ASTN2: variants seen among roughly 807,000 people sequenced by gnomAD.
The protein encoded by ASTN2 is astrotactin 2.
Under a neutral mutation model 139.8 loss-of-function variants are expected in ASTN2, and 54 were observed. The observed-to-expected ratio is 0.39, with a 90% CI of 0.31 to 0.48. The LOEUF is 0.48. ASTN2 is among the 20% of genes least tolerant of loss of function. The probability of loss-of-function intolerance (pLI) is 0.95; values close to 1 mark genes in which losing one functional copy is unlikely to be tolerated. For missense variants in ASTN2, 1,565 were observed against 1,725.1 expected (o/e 0.91, Z 1.64); for synonymous variants, 756 against 719.5 (o/e 1.05, Z -0.81).
At chr9:117,351,994 C>T (rs1029513536) in intron 1 of ASTN2, among the ~76,000 whole-genome samples, 2 of 152,230 alleles carry the variant, frequency 1.3e-5, no homozygotes, top group African/African-American at 4.8e-5. Context: ...AAGTAAACAC[C>T]GCTTACTATT....
chr9:117,188,936 A>G (rs941529978), intron 3 of ASTN2, among the ~76,000 whole-genome samples: 1 of 152,056 alleles, frequency 6.6e-6, no homozygotes, highest in African/African-American at 2.4e-5. Context: ...CCTGAGCATC[A>G]GTGAGTGCCC....
chr9:116,778,212 C>T (rs1251704060), intron 13 of ASTN2, among the ~76,000 whole-genome samples: 4 of 149,922 alleles, frequency 2.7e-5, no homozygotes, highest in East Asian at 2.0e-4. Flanking sequence ...AACACTTATG[C>T]CATGATGTTG....
At chr9:116,444,977 G>A (rs544449021) in intron 20 of ASTN2, among the ~76,000 whole-genome samples, 2 of 152,344 alleles carry the variant, frequency 1.3e-5, no homozygotes, top group South Asian at 4.1e-4. Flanking sequence ...AGTGAGAACA[G>A]CATCAGGCAA....
chr9:117,379,277 C>T (rs931974535), intron 1 of ASTN2, among the ~76,000 whole-genome samples: 1 of 152,200 alleles, frequency 6.6e-6, no homozygotes, highest in South Asian at 2.1e-4. Context: ...GCGTAGGCAG[C>T]GAAAAAGGCT....
At chr9:116,858,247 C>T (rs1832790984) in intron 11 of ASTN2, among the ~76,000 whole-genome samples, 1 of 152,036 alleles carries the variant, frequency 6.6e-6, no homozygotes, top group Non-Finnish European at 1.5e-5. Context: ...TGTGAAGCTA[C>T]TGAGTTTTGG....
chr9:116,791,581 T>G (rs1186167804), intron 13 of ASTN2, among the ~76,000 whole-genome samples: 3 of 152,236 alleles, frequency 2.0e-5, no homozygotes, highest in Non-Finnish European at 2.9e-5. Flanking sequence ...GGAGTCACTT[T>G]GGAAGCAGCC....
At chr9:117,187,034 C>G (rs1831217730) in intron 3 of ASTN2, among the ~76,000 whole-genome samples, 1 of 152,220 alleles carries the variant, frequency 6.6e-6, no homozygotes, top group East Asian at 1.9e-4. Context: ...GAGGCTGAGG[C>G]AGGAGAAACT....
chr9:116,996,206 C>T (rs1308453602), intron 7 of ASTN2, among the ~76,000 whole-genome samples: 1 of 151,918 alleles, frequency 6.6e-6, no homozygotes, highest in African/African-American at 2.4e-5. Context: ...TTTAATATTC[C>T]TAAATTGAGG....
At chr9:116,448,235 C>G (rs951703989) in intron 20 of ASTN2, among the ~76,000 whole-genome samples, 7 of 152,204 alleles carry the variant, frequency 4.6e-5, no homozygotes, top group African/African-American at 4.8e-5. Flanking sequence ...CCCCACACAG[C>G]TTTGGCAAAC....
At position 117,076,751 on chromosome 9, in the gene ASTN2, C is replaced by A. The variant is rs560980223; in HGVS notation, c.1276+19293G>T. Among the ~76,000 whole-genome samples the A allele has an allele frequency of 8.5e-5, 13 of 152,266 alleles. No homozygotes were observed. In the South Asian group the frequency reaches 2.7e-3, roughly 32 times the overall value. On this transcript the variant is annotated intron_variant, in intron 5 of 22. Coordinates refer to ENST00000313400, the MANE Select transcript of ASTN2 (RefSeq NM_001365068.1). ...GTAGTCACAGACCACACCTACCTAC[C>A]TGCCTCATGTGGTCCAGCCCCATCA... is the stretch of plus-strand genomic sequence containing the variant.
chr9:117,168,127 A>G (rs2132917708), intron 3 of ASTN2, among the ~76,000 whole-genome samples: 1 of 152,066 alleles, frequency 6.6e-6, no homozygotes, highest in Admixed American at 6.6e-5. Flanking sequence ...CCTGGAGGAG[A>G]TAAGAGGATA....
At chr9:117,328,837 G>T (rs1828605583) in intron 1 of ASTN2, among the ~76,000 whole-genome samples, 1 of 152,204 alleles carries the variant, frequency 6.6e-6, no homozygotes, top group Non-Finnish European at 1.5e-5. Flanking sequence ...GAGAAGTGAT[G>T]GCAAATCCCC....
At chr9:116,938,078 A>G (rs1247085618) in intron 10 of ASTN2, among the ~76,000 whole-genome samples, 4 of 152,180 alleles carry the variant, frequency 2.6e-5, no homozygotes, top group Non-Finnish European at 5.9e-5. Flanking sequence ...CCTTTGTTCA[A>G]TCATGCAGTG....
intron 16 of ASTN2, among the ~76,000 whole-genome samples, chr9:116,685,977 T>G (rs1860181731): frequency 6.6e-6 from 1 of 152,066 alleles, no homozygotes; most frequent in East Asian, 1.9e-4. Flanking sequence ...AAAAAAAAAT[T>G]TTAAACGGGT....
rs999481545 is a variant in ASTN2 at position 116,701,957 on chromosome 9, A to T, written c.2806+23814T>A. Among the ~76,000 whole-genome samples the T allele has an allele frequency of 6.0e-5, 9 of 149,250 alleles. No individual in the cohort carries two copies. In the Admixed American group the frequency reaches 6.1e-4, roughly 10 times the overall value. ...ATAAAGTCTTATATGGAAGTCTATC[A>T]TGTAAAATAGATCAAAGAGCAGCTG... On this transcript the variant is annotated intron_variant, in intron 16 of 22. Coordinates refer to ENST00000313400, the MANE Select transcript of ASTN2 (RefSeq NM_001365068.1).
chr9:117,092,931 C>A lies in ASTN2; in HGVS notation c.1276+3113G>T, dbSNP rs1006559585. ...GCCCAGCCAAAGGGGACAACAGAAC[C>A]ATTCTAGTGTCACAGTTAGACCCTA... On this transcript the variant is annotated intron_variant, in intron 5 of 22. Coordinates refer to ENST00000313400, the MANE Select transcript of ASTN2 (RefSeq NM_001365068.1). 3.3e-5 allele frequency among the ~76,000 whole-genome samples: 5 copies of A among 152,140 alleles called. No homozygotes were observed. In the South Asian group the frequency reaches 6.2e-4, roughly 19 times the overall value.
chr9:116,855,649 CT>C (rs1260797734), intron 11 of ASTN2, among the ~76,000 whole-genome samples: 4 of 152,180 alleles, frequency 2.6e-5, no homozygotes, highest in Non-Finnish European at 5.9e-5. Context: ...GGGAACTATT[CT>C]CAGCCTTGGG....
At chr9:116,909,228 G>C (rs1204102055) in intron 10 of ASTN2, among the ~76,000 whole-genome samples, 1 of 152,206 alleles carries the variant, frequency 6.6e-6, no homozygotes, top group Non-Finnish European at 1.5e-5. Flanking sequence ...TGTTAGAGAT[G>C]GGTTAGAGAT....
chr9:116,498,435 A>C (rs1201133699), intron 19 of ASTN2, among the ~76,000 whole-genome samples: 1 of 151,998 alleles, frequency 6.6e-6, no homozygotes, highest in African/African-American at 2.4e-5. Flanking sequence ...AAAACAAAAA[A>C]CAAAAAACAA....
Sources: gnomAD v4.1 joint callset for allele counts (sites outside exome capture counted in the v4.1 genomes callset) on GRCh38, gnomAD v4.1.1 for gene constraint, MANE v1.5 for transcripts, NCBI Gene and HGNC (gene_info 2026-07-23, HGNC 2026-07-21) for gene names.